The following TMPRSS11D variants were observed in gnomAD, a reference collection of about 807,000 sequenced individuals.
TMPRSS11D encodes transmembrane protease serine 11D.
Under a neutral mutation model 44.4 loss-of-function variants are expected in TMPRSS11D, and 32 were observed. That is an observed-to-expected ratio of 0.72 (90% CI 0.54 to 0.97). The LOEUF is 0.97. TMPRSS11D is among the 50% of genes least tolerant of loss of function. The probability of loss-of-function intolerance (pLI) is 0.00; values close to 1 mark genes in which losing one functional copy is unlikely to be tolerated. For missense variants in TMPRSS11D, 446 were observed against 502.6 expected (o/e 0.89, Z 1.08); for synonymous variants, 179 against 177.9 (o/e 1.01, Z -0.05).
At chr4:67,883,063 T>C (rs1719359153) in intron 1 of TMPRSS11D, among the ~76,000 whole-genome samples, 1 of 152,008 alleles carries the variant, frequency 6.6e-6, no homozygotes, top group African/African-American at 2.4e-5. Flanking sequence ...ATATTTTTAT[T>C]ACTTAAAATG....
chr4:67,864,037 A>G (rs1232401216), intron 1 of TMPRSS11D, among the ~76,000 whole-genome samples: 2 of 152,060 alleles, frequency 1.3e-5, no homozygotes, highest in Non-Finnish European at 2.9e-5. Context: ...TGTATAAACT[A>G]TAAAGGGCTA....
chr4:67,843,098 G>A (rs1718269905), intron 3 of TMPRSS11D, among the ~76,000 whole-genome samples: 1 of 135,486 alleles, frequency 7.4e-6, no homozygotes, highest in East Asian at 2.1e-4. Context: ...GGAAGCAAAG[G>A]GCAGTCTTTT....
chr4:67,876,768 A>G (rs1326293787), intron 1 of TMPRSS11D, among the ~76,000 whole-genome samples: 2 of 152,184 alleles, frequency 1.3e-5, no homozygotes, highest in Non-Finnish European at 1.5e-5. Context: ...TATTGAATGA[A>G]TGTTGGAAAA....
At chr4:67,847,014 C>T (rs1718374180) in intron 3 of TMPRSS11D, among the ~76,000 whole-genome samples, 2 of 152,016 alleles carry the variant, frequency 1.3e-5, no homozygotes, top group Non-Finnish European at 2.9e-5. Flanking sequence ...AAGTGATTCT[C>T]CTGCCTCTGC....
intron 8 of TMPRSS11D, 113 bp from the exon 9 acceptor site, chr4:67,825,987 A>G (rs1257071120): frequency 8.0e-7 from 1 of 1,255,312 alleles, no homozygotes; most frequent in Non-Finnish European, 1.1e-6. Context: ...ATATTTAACA[A>G]TGAAGGCTTC....
intron 1 of TMPRSS11D, among the ~76,000 whole-genome samples, chr4:67,881,212 A>G (rs1375501853): frequency 2.6e-5 from 4 of 152,122 alleles, no homozygotes; most frequent in Non-Finnish European, 5.9e-5. Flanking sequence ...CTTCCTTATG[A>G]CTTATTTTAG....
chr4:67,842,668 T>C, intron 3 of TMPRSS11D, 43 bp from the exon 4 acceptor site: 3 of 1,516,608 alleles, frequency 2.0e-6, no homozygotes, highest in Non-Finnish European at 2.7e-6. Flanking sequence ...TAAATACAGT[T>C]CTTCTTCTCC....
chr4:67,836,141 A>T (rs188339368), intron 5 of TMPRSS11D, among the ~76,000 whole-genome samples: 2 of 152,034 alleles, frequency 1.3e-5, no homozygotes, highest in African/African-American at 4.8e-5. Flanking sequence ...TCTGTCCTCT[A>T]TCTTTTGAAT....
At chr4:67,828,035 G>GGTATGT (rs532939636) in intron 7 of TMPRSS11D, among the ~76,000 whole-genome samples, 3 of 137,544 alleles carry the variant, frequency 2.2e-5, no homozygotes, top group African/African-American at 5.2e-5. Context: ...TGAAGATTTT[G>GGTATGT]GTGTGTGTGT....
chr4:67,870,313 AC>A lies in TMPRSS11D; in HGVS notation c.9-10636del, dbSNP rs1719024989. Among the ~76,000 whole-genome samples, 6 of 152,016 alleles carry A rather than the reference AC, an allele frequency of 3.9e-5. No individual in the cohort carries two copies. The South Asian group carries it at 1.3e-3, about 32-fold the overall frequency. On this transcript the variant is annotated intron_variant, in intron 1 of 9. Transcript: ENST00000283916. ...CTGACTTTATGTCTAACTTCACTCT[AC>A]CTCCATATCCTATTCCAGACATCCT...
At chr4:67,857,787 T>G (rs1489793261) in intron 2 of TMPRSS11D, among the ~76,000 whole-genome samples, 1 of 152,148 alleles carries the variant, frequency 6.6e-6, no homozygotes. Flanking sequence ...GGTATAAGTT[T>G]TATTGTTTAA....
At chr4:67,877,284 A>C (rs566271940) in intron 1 of TMPRSS11D, among the ~76,000 whole-genome samples, 14 of 152,250 alleles carry the variant, frequency 9.2e-5, no homozygotes, top group South Asian at 2.1e-4. Flanking sequence ...TTCAATTACC[A>C]TCTAAGCCAA....
chr4:67,842,372 C>T (rs1718252919), intron 4 of TMPRSS11D, among the ~76,000 whole-genome samples, 186 bp downstream of exon 4: 1 of 152,170 alleles, frequency 6.6e-6, no homozygotes, highest in Non-Finnish European at 1.5e-5. Context: ...TGGTTATTTA[C>T]ATTAGTAGCT....
intron 7 of TMPRSS11D, among the ~76,000 whole-genome samples, chr4:67,831,141 T>C (rs1419003787): frequency 6.6e-6 from 1 of 152,058 alleles, no homozygotes; most frequent in Non-Finnish European, 1.5e-5. Flanking sequence ...GTAAGTCAAA[T>C]ATCACAAATC....
intron 7 of TMPRSS11D, among the ~76,000 whole-genome samples, chr4:67,828,226 T>C (rs906567857): frequency 2.0e-5 from 3 of 152,026 alleles, no homozygotes; most frequent in Non-Finnish European, 4.4e-5. Flanking sequence ...AAGACATGAA[T>C]TTGAAAAGAG....
chr4:67,827,861 C>T (rs573347624), intron 7 of TMPRSS11D, among the ~76,000 whole-genome samples: 1 of 152,124 alleles, frequency 6.6e-6, no homozygotes, highest in Admixed American at 6.6e-5. Flanking sequence ...CCCATTTAAG[C>T]AACTAAGAAA....
intron 1 of TMPRSS11D, among the ~76,000 whole-genome samples, chr4:67,881,456 T>G (rs1008349787): frequency 2.6e-5 from 4 of 152,200 alleles, no homozygotes; most frequent in Admixed American, 6.5e-5. Context: ...TGTTTTAGCA[T>G]GTGGCTCAAG....
At chr4:67,869,810 G>C (rs531985621) in intron 1 of TMPRSS11D, among the ~76,000 whole-genome samples, 1 of 152,102 alleles carries the variant, frequency 6.6e-6, no homozygotes, top group African/African-American at 2.4e-5. Context: ...ATCAGTAGCT[G>C]GTTATTTTAG....
chr4:67,854,297 C>T, intron 2 of TMPRSS11D, 111 bp from the exon 3 acceptor site: 1 of 559,820 alleles, frequency 1.8e-6, no homozygotes, highest in South Asian at 2.5e-5. Flanking sequence ...ATTTGCTTTC[C>T]TTGAAAGAAA....
Sources: allele counts gnomAD v4.1 joint callset (sites outside exome capture counted in the v4.1 genomes callset), GRCh38; gene constraint gnomAD v4.1.1; transcripts MANE v1.5; gene names NCBI Gene and HGNC (gene_info 2026-07-23, HGNC 2026-07-21).